CCNT2: variants seen among roughly 807,000 people sequenced by gnomAD.
CCNT2 encodes cyclin-T2.
CCNT2 carries 18 observed loss-of-function variants against 70.0 expected under a neutral mutation model. The ratio of observed to expected loss-of-function variants is 0.26; its 90% confidence interval spans 0.18 to 0.38. CCNT2 has a LOEUF of 0.38. CCNT2 is among the 10% of genes least tolerant of loss of function. The pLI, the probability that CCNT2 is intolerant of heterozygous loss-of-function variation, is 1.00. For missense variants in CCNT2, 734 were observed against 890.2 expected, an observed-to-expected ratio of 0.82 and a Z score of 2.23; for synonymous variants, 334 against 313.3, an observed-to-expected ratio of 1.07 and a Z score of -0.70.
At chr2:134,937,705 C>T (rs1183817917) in intron 3 of CCNT2, among the ~76,000 whole-genome samples, 3 of 152,128 alleles carry the variant, frequency 2.0e-5, no homozygotes, top group African/African-American at 7.2e-5. Flanking sequence ...CACCTGAGGT[C>T]GGGAGTTTGA....
At chr2:134,924,781 G>C (rs1680160529) in intron 2 of CCNT2, among the ~76,000 whole-genome samples, 1 of 152,050 alleles carries the variant, frequency 6.6e-6, no homozygotes, top group Admixed American at 6.6e-5. Context: ...TTTCTTTATA[G>C]TTTTAGCACC....
At chr2:134,928,542 T>G (rs1255607941) in intron 2 of CCNT2, among the ~76,000 whole-genome samples, 1 of 152,096 alleles carries the variant, frequency 6.6e-6, no homozygotes, top group African/African-American at 2.4e-5. Flanking sequence ...CCTCCCAAAG[T>G]ACTGGGATTA....
chr2:134,922,402 A>T (rs1388147774), intron 2 of CCNT2, among the ~76,000 whole-genome samples: 1 of 152,180 alleles, frequency 6.6e-6, no homozygotes, highest in Non-Finnish European at 1.5e-5. Context: ...AAACCCCCAA[A>T]AGTAATGTGC....
chr2:134,931,262 C>CTTTTGTTTTTTTTTTTTTTTTTTTTTT (rs1680738075), intron 2 of CCNT2, among the ~76,000 whole-genome samples: 1 of 42,418 alleles, frequency 2.4e-5, no homozygotes, highest in Non-Finnish European at 4.2e-5. Context: ...ATGCCCGGAT[C>CTTTTGTTTTTTTTTTTTTTTTTTTTTT]TTTTTTTTTT....
chr2:134,924,265 A>G (rs886678356), intron 2 of CCNT2, among the ~76,000 whole-genome samples: 2 of 152,204 alleles, frequency 1.3e-5, no homozygotes, highest in African/African-American at 4.8e-5. Context: ...CTGTACATAT[A>G]TGAGATGAGT....
At chr2:134,925,461 A>G (rs375992234) in intron 2 of CCNT2, among the ~76,000 whole-genome samples, 21 of 152,062 alleles carry the variant, frequency 1.4e-4, no homozygotes, top group African/African-American at 4.8e-4. Context: ...CCCCGCAGTC[A>G]TTTCTCCCTA....
intron 6 of CCNT2, among the ~76,000 whole-genome samples, chr2:134,946,986 C>G (rs1559109202): frequency 6.6e-6 from 1 of 152,128 alleles, no homozygotes; most frequent in East Asian, 1.9e-4. Context: ...TCTCAAATAT[C>G]TGTTGTTGGT....
intron 7 of CCNT2, among the ~76,000 whole-genome samples, chr2:134,948,338 C>T (rs1682154476): frequency 7.0e-6 from 1 of 143,642 alleles, no homozygotes; most frequent in Non-Finnish European, 1.6e-5. Flanking sequence ...TTTTTCAGGA[C>T]TTAAAAAATA....
In CCNT2 at chr2:134,919,885, C is replaced by G; in HGVS notation, c.234C>G (p.Asn78Lys). 1 of 1,598,296 alleles carries G rather than the reference C, an allele frequency of 6.3e-7. No individual in the cohort carries two copies. ...TGCACCATTCTTTCACCAAATTCAA[C>G]AAAAATGTAAGTACTAGTTGTCTGT... ...FYMHHSFTKF[N>K]KNIISSTALF... The change falls in exon 2 of 9, where the codon AAC (asparagine) becomes AAG (lysine). Residue 78 changes from asparagine to lysine, a missense_variant. By Grantham distance (94) the Asn-to-Lys change is moderately conservative. Around this residue, in one of 3 missense-constraint regions of CCNT2, gnomAD observed 161 missense variants for 303.8 expected, o/e 0.53. Transcript: ENST00000264157.
intron 7 of CCNT2, among the ~76,000 whole-genome samples, chr2:134,950,645 A>G (rs887401572): frequency 6.6e-6 from 1 of 152,180 alleles, no homozygotes; most frequent in Non-Finnish European, 1.5e-5. Context: ...GGGGGGAAAA[A>G]AAAAGACATG....
intron 8 of CCNT2, 26 bp from the exon 9 acceptor site, chr2:134,953,204 G>A: frequency 6.5e-7 from 1 of 1,537,380 alleles, no homozygotes; most frequent in Middle Eastern, 1.7e-4. Context: ...CTATATCACT[G>A]CTTCTTCTGT....
intron 2 of CCNT2, among the ~76,000 whole-genome samples, chr2:134,924,537 C>T (rs1446108148): frequency 6.6e-6 from 1 of 152,086 alleles, no homozygotes; most frequent in Non-Finnish European, 1.5e-5. Context: ...GCAACCTCCG[C>T]CTCCTGAGTT....
chr2:134,928,553 C>G (rs1472568615), intron 2 of CCNT2, among the ~76,000 whole-genome samples: 1 of 152,104 alleles, frequency 6.6e-6, no homozygotes, highest in African/African-American at 2.4e-5. Flanking sequence ...ACTGGGATTA[C>G]AGGCATGAGC....
chr2:134,949,277 C>G (rs1682253170), intron 7 of CCNT2, among the ~76,000 whole-genome samples: 1 of 152,154 alleles, frequency 6.6e-6, no homozygotes, highest in African/African-American at 2.4e-5. Context: ...CCTCTGTGCC[C>G]CACCTGATGT....
At chr2:134,943,496 A>G (rs1681719662) in intron 5 of CCNT2, 7 of 984,742 alleles carry the variant, frequency 7.1e-6, no homozygotes, top group Non-Finnish European at 7.2e-6. Context: ...GGTCTTTGAC[A>G]TTACTAAAAG....
At chr2:134,939,085 G>A (rs1451709130) in intron 4 of CCNT2, 23 bp downstream of exon 4, 3 of 1,485,984 alleles carry the variant, frequency 2.0e-6, no homozygotes, top group African/African-American at 1.4e-5. Flanking sequence ...ATCAGATAAT[G>A]GCTTTTTGTG....
At chr2:134,929,074 T>G (rs575971219) in intron 2 of CCNT2, among the ~76,000 whole-genome samples, 1 of 152,364 alleles carries the variant, frequency 6.6e-6, no homozygotes, top group South Asian at 2.1e-4. Flanking sequence ...ATTAATAATT[T>G]TATGAAACAA....
chr2:134,933,623 GT>G (rs1340541505), intron 2 of CCNT2, among the ~76,000 whole-genome samples: 4 of 152,186 alleles, frequency 2.6e-5, no homozygotes, highest in Non-Finnish European at 5.9e-5. Context: ...TAAATTCAGT[GT>G]TTGGATATGC....
intron 5 of CCNT2, chr2:134,944,259 G>A (rs12619527): frequency 0.24 from 235,784 of 981,100 alleles, 31,988 homozygotes; most frequent in Middle Eastern, 0.6. Flanking sequence ...TTTTTTCTAA[G>A]AACTTGAAAA....
Sources: gnomAD v4.1 joint callset for allele counts (sites outside exome capture counted in the v4.1 genomes callset) on GRCh38, gnomAD v4.1.1 for gene constraint, gnomAD v4.1.1 regional missense constraint, MANE v1.5 for transcripts, NCBI Gene and HGNC (gene_info 2026-07-23, HGNC 2026-07-21) for gene names.